Variants in ADAM23 observed in about 807,000 individuals in gnomAD.
The protein encoded by ADAM23 is disintegrin and metalloproteinase domain-containing protein 23.
Under a neutral mutation model 120.1 loss-of-function variants are expected in ADAM23, and 33 were observed. The ratio of observed to expected loss-of-function variants is 0.27; its 90% CI spans 0.21 to 0.37. ADAM23 has a LOEUF of 0.37. Among genes scored for constraint, ADAM23 ranks in the 10% least tolerant of loss-of-function variants. The pLI is 1.00. For missense variants in ADAM23, 862 were observed against 1,058.2 expected, an observed-to-expected ratio of 0.81 and a Z score of 2.57; for synonymous variants, 367 against 375.2, an observed-to-expected ratio of 0.98 and a Z score of 0.25.
chr2:206,492,305 G>A (rs1351811382), intron 3 of ADAM23, among the ~76,000 whole-genome samples: 1 of 152,130 alleles, frequency 6.6e-6, no homozygotes, highest in Non-Finnish European at 1.5e-5. Context: ...GAGAGAGTGT[G>A]GAGGCCTGAA....
intron 10 of ADAM23, among the ~76,000 whole-genome samples, chr2:206,559,724 C>T (rs1041055288): frequency 2.0e-5 from 3 of 152,144 alleles, no homozygotes; most frequent in Non-Finnish European, 4.4e-5. Context: ...ATGTATTGCT[C>T]TGGGATCGAA....
chr2:206,581,468 T>C (rs915111173), intron 18 of ADAM23, among the ~76,000 whole-genome samples: 2 of 152,208 alleles, frequency 1.3e-5, no homozygotes, highest in Admixed American at 1.3e-4. Context: ...TCCATCTTGG[T>C]TTTGTTTTTG....
intron 24 of ADAM23, among the ~76,000 whole-genome samples, chr2:206,604,598 C>T (rs1698698027): frequency 6.6e-6 from 1 of 152,044 alleles, no homozygotes; most frequent in African/African-American, 2.4e-5. Context: ...TGTGCTTAGT[C>T]AATGATAAAA....
chr2:206,587,408 A>T, intron 19 of ADAM23, 33 bp downstream of exon 19: 1 of 1,511,484 alleles, frequency 6.6e-7, no homozygotes, highest in Non-Finnish European at 8.9e-7. Context: ...AGTGTAATTT[A>T]AAAAGGATTC....
At chr2:206,473,015 T>G (rs1695692501) in intron 2 of ADAM23, among the ~76,000 whole-genome samples, 1 of 152,166 alleles carries the variant, frequency 6.6e-6, no homozygotes. Flanking sequence ...AAAGATAGAT[T>G]GATTAACATT....
intron 9 of ADAM23, among the ~76,000 whole-genome samples, chr2:206,553,995 T>G (rs1487851867): frequency 6.6e-6 from 1 of 152,210 alleles, no homozygotes; most frequent in Admixed American, 6.5e-5. Context: ...AGCAACCATT[T>G]TAAATAAAGA....
At chr2:206,508,211 A>G (rs1696537827) in intron 3 of ADAM23, among the ~76,000 whole-genome samples, 1 of 152,054 alleles carries the variant, frequency 6.6e-6, no homozygotes, top group African/African-American at 2.4e-5. Context: ...TTGTATTTTT[A>G]GTAGAGACGG....
intron 3 of ADAM23, among the ~76,000 whole-genome samples, chr2:206,512,598 A>T (rs930062012): frequency 6.6e-6 from 1 of 152,246 alleles, no homozygotes; most frequent in African/African-American, 2.4e-5. Flanking sequence ...GATGTTCTAA[A>T]TAGTCTAACA....
chr2:206,485,724 AC>A (rs1256631485), intron 3 of ADAM23, among the ~76,000 whole-genome samples: 2 of 152,192 alleles, frequency 1.3e-5, no homozygotes, highest in Non-Finnish European at 2.9e-5. Flanking sequence ...GATAGACAAG[AC>A]TTGTGCCTTC....
At chr2:206,608,511 G>A (rs1698770578) in intron 24 of ADAM23, among the ~76,000 whole-genome samples, 1 of 152,112 alleles carries the variant, frequency 6.6e-6, no homozygotes, top group Non-Finnish European at 1.5e-5. Context: ...ACTGTGTCCA[G>A]CACATAGTAA....
chr2:206,559,620 C>T (rs1420739827), intron 10 of ADAM23, among the ~76,000 whole-genome samples: 1 of 152,114 alleles, frequency 6.6e-6, no homozygotes, highest in Non-Finnish European at 1.5e-5. Flanking sequence ...AACCTGTTAC[C>T]TGCTATGAGA....
At chr2:206,464,908 T>C (rs1197234929) in intron 2 of ADAM23, among the ~76,000 whole-genome samples, 1 of 152,020 alleles carries the variant, frequency 6.6e-6, no homozygotes. Context: ...AACCCTGCAG[T>C]AGAACTTGTA....
chr2:206,585,294 T>C (rs1198691892), intron 18 of ADAM23, among the ~76,000 whole-genome samples: 1 of 152,180 alleles, frequency 6.6e-6, no homozygotes, highest in Non-Finnish European at 1.5e-5. Context: ...GATAGTTGAT[T>C]AATGAGATAA....
chr2:206,460,177 T>C (rs1695386552), intron 2 of ADAM23, among the ~76,000 whole-genome samples: 1 of 152,164 alleles, frequency 6.6e-6, no homozygotes, highest in Non-Finnish European at 1.5e-5. Flanking sequence ...TTAGTTGTTA[T>C]AGTTGGTTGG....
At chr2:206,523,213 G>A (rs754628940) in intron 3 of ADAM23, among the ~76,000 whole-genome samples, 2 of 152,042 alleles carry the variant, frequency 1.3e-5, no homozygotes, top group Non-Finnish European at 2.9e-5. Context: ...TGGCTAATGG[G>A]ACCATTACCT....
At chr2:206,592,060 C>T (rs1285172815) in intron 21 of ADAM23, among the ~76,000 whole-genome samples, 4 of 152,100 alleles carry the variant, frequency 2.6e-5, no homozygotes, top group African/African-American at 9.7e-5. Context: ...ACAAGGTCAC[C>T]AAAGACCCAG....
intron 3 of ADAM23, among the ~76,000 whole-genome samples, chr2:206,504,341 C>T (rs538585198): frequency 8.8e-4 from 134 of 152,146 alleles, no homozygotes; most frequent in African/African-American, 3.1e-3. Flanking sequence ...CCTGAGTGAA[C>T]CTGTTGTATC....
chr2:206,515,564 A>G (rs1416152954), intron 3 of ADAM23, among the ~76,000 whole-genome samples: 1 of 152,164 alleles, frequency 6.6e-6, no homozygotes, highest in East Asian at 1.9e-4. Context: ...CTGGTCTGAT[A>G]GTTCACTATT....
chr2:206,520,794 G>T (rs981588539), intron 3 of ADAM23, among the ~76,000 whole-genome samples: 2 of 152,030 alleles, frequency 1.3e-5, no homozygotes. Context: ...AGCCTTCCAA[G>T]TTCTGAGTTC....
Sources: gnomAD v4.1 joint callset for allele counts (sites outside exome capture counted in the v4.1 genomes callset) on GRCh38, gnomAD v4.1.1 for gene constraint, MANE v1.5 for transcripts, NCBI Gene and HGNC (gene_info 2026-07-23, HGNC 2026-07-21) for gene names.